Variants in SOX5 observed in about 807,000 individuals in gnomAD.
SOX5 encodes transcription factor SOX-5.
A neutral mutation model predicts 92.0 loss-of-function variants in SOX5; 9 were observed. That is an observed-to-expected ratio of 0.10 (90% CI 0.06 to 0.17). The LOEUF (loss-of-function observed/expected upper bound fraction) is 0.17, where lower values mean the gene tolerates loss of function less well. Ranked by LOEUF, SOX5 falls within the 10% of genes least tolerant of loss-of-function variation. The probability of loss-of-function intolerance (pLI) is 1.00; values close to 1 mark genes in which losing one functional copy is unlikely to be tolerated. For synonymous variants in SOX5, 344 were observed against 336.3 expected, an observed-to-expected ratio of 1.02 and a Z score of -0.25; for missense variants, 642 against 944.5, an observed-to-expected ratio of 0.68 and a Z score of 4.20.
At chr12:24,279,229 T>C (rs911717843) in intron 2 of SOX5, among the ~76,000 whole-genome samples, 1 of 152,140 alleles carries the variant, frequency 6.6e-6, no homozygotes, top group Non-Finnish European at 1.5e-5. Context: ...ATAATTGGAA[T>C]TTTAAAAACA....
In SOX5 at chr12:24,362,865, TG is replaced by T. The variant is rs1207103650; in HGVS notation, c.-174+5697del. Among the ~76,000 whole-genome samples the T allele has an allele frequency of 1.3e-3, 86 of 66,564 alleles. 1 individual carries two copies. In the East Asian group the frequency reaches 0.03, roughly 23 times the overall value. 43.7% of individuals were successfully genotyped at this position (66,564 alleles called of 152,430 possible). On this transcript the variant is annotated intron_variant, in intron 2 of 4. Coordinates refer to the SOX5 transcript ENST00000446891. Reference sequence around the variant, plus strand: ...ATCACAGTGGGCTAAGAAACCACAGTGAAAAAAAAAAAAAAAAAAGGAGGGC... The same window carrying T: ...ATCACAGTGGGCTAAGAAACCACAGTAAAAAAAAAAAAAAAAAAGGAGGGC...
chr12:23,621,691 T>C (rs1233750387), intron 8 of SOX5, among the ~76,000 whole-genome samples: 6 of 152,074 alleles, frequency 3.9e-5, no homozygotes, highest in Non-Finnish European at 8.8e-5. Flanking sequence ...TACACCCAGC[T>C]TTGGAAACAA....
chr12:23,715,373 T>C (rs2092413893), intron 6 of SOX5, among the ~76,000 whole-genome samples: 1 of 152,152 alleles, frequency 6.6e-6, no homozygotes, highest in Non-Finnish European at 1.5e-5. Flanking sequence ...TATACCTAAG[T>C]ATGAGTTTCA....
At chr12:23,542,733 A>G (rs1196943828) in intron 13 of SOX5, among the ~76,000 whole-genome samples, 1 of 152,202 alleles carries the variant, frequency 6.6e-6, no homozygotes, top group Admixed American at 6.5e-5. Context: ...CACTGGAACA[A>G]ACATCTTCCC....
At chr12:23,970,841 A>ATATATATATATTTTTTTTTTTTTTT in intron 4 of SOX5, among the ~76,000 whole-genome samples, 4 of 21,884 alleles carry the variant, frequency 1.8e-4, no homozygotes, top group Admixed American at 7.7e-4. Flanking sequence ...TATATATATA[A>ATATATATATATTTTTTTTTTTTTTT]TTTTTTTTTT....
chr12:23,680,954 T>C (rs1473580613), intron 6 of SOX5, among the ~76,000 whole-genome samples: 1 of 152,114 alleles, frequency 6.6e-6, no homozygotes, highest in Admixed American at 6.6e-5. Flanking sequence ...AAGAAATTTC[T>C]AAAGGATGTG....
At chr12:24,175,815 C>T (rs1376647664) in intron 4 of SOX5, among the ~76,000 whole-genome samples, 1 of 152,034 alleles carries the variant, frequency 6.6e-6, no homozygotes, top group Non-Finnish European at 1.5e-5. Flanking sequence ...ATCATTATCT[C>T]CTGACTGTAC....
chr12:24,003,709 T>C (rs1433825452), intron 4 of SOX5, among the ~76,000 whole-genome samples: 1 of 150,952 alleles, frequency 6.6e-6, no homozygotes, highest in East Asian at 1.9e-4. Context: ...TATGTTAAGA[T>C]GGAAATTATC....
upstream of SOX5, among the ~76,000 whole-genome samples, chr12:23,952,995 A>G (rs1945851473): frequency 6.6e-6 from 1 of 152,146 alleles, no homozygotes; most frequent in Non-Finnish European, 1.5e-5. Context: ...ACTTTAAGTG[A>G]CCTGAAAGGC....
chr12:24,270,869 A>G (rs1217961376), intron 3 of SOX5, among the ~76,000 whole-genome samples: 2 of 152,204 alleles, frequency 1.3e-5, no homozygotes, highest in African/African-American at 4.8e-5. Flanking sequence ...TCCATTTTCA[A>G]TACTTCACAT....
intron 2 of SOX5, among the ~76,000 whole-genome samples, chr12:24,299,168 G>A (rs1947665834): frequency 6.6e-6 from 1 of 152,050 alleles, no homozygotes; most frequent in Admixed American, 6.6e-5. Flanking sequence ...TTCTGGGTGG[G>A]TCTTTATCTT....
intron 2 of SOX5, among the ~76,000 whole-genome samples, chr12:24,309,779 C>T (rs1253974079): frequency 3.9e-5 from 6 of 152,058 alleles, no homozygotes; most frequent in Admixed American, 3.9e-4. Context: ...ACTGTAAAAA[C>T]CGTGATAGGA....
chr12:23,897,901 T>A (rs1008046967), intron 1 of SOX5, among the ~76,000 whole-genome samples: 3 of 152,140 alleles, frequency 2.0e-5, no homozygotes, highest in African/African-American at 7.2e-5. Context: ...ACATTTCAAG[T>A]AATTTTAACT....
chr12:23,981,201 G>T (rs1465325199), intron 4 of SOX5, among the ~76,000 whole-genome samples: 2 of 151,686 alleles, frequency 1.3e-5, no homozygotes, highest in East Asian at 3.9e-4. Context: ...TTAGAGGCCT[G>T]CCAAAATTCT....
intron 1 of SOX5, among the ~76,000 whole-genome samples, chr12:24,381,078 T>A (rs527832515): frequency 3.0e-4 from 46 of 152,298 alleles, no homozygotes; most frequent in African/African-American, 1.1e-3. Flanking sequence ...ACGGAGGGCA[T>A]GCATTACTAG....
intron 1 of SOX5, among the ~76,000 whole-genome samples, chr12:23,945,388 G>A (rs1313979690): frequency 1.3e-5 from 2 of 152,108 alleles, no homozygotes; most frequent in South Asian, 4.1e-4. Context: ...GCACATTTCT[G>A]TGTCTATCAA....
chr12:23,829,022 G>A (rs529498544), intron 3 of SOX5, among the ~76,000 whole-genome samples: 16 of 152,152 alleles, frequency 1.1e-4, no homozygotes, highest in African/African-American at 3.6e-4. Flanking sequence ...TCCTTGAGGT[G>A]TCAGAACTCT....
chr12:24,272,921 A>C (rs904926095), intron 3 of SOX5, among the ~76,000 whole-genome samples: 1 of 89,202 alleles, frequency 1.1e-5, no homozygotes, highest in Admixed American at 9.9e-5. Flanking sequence ...TATCTTTTGA[A>C]AAAAAAAAAA....
chr12:23,794,007 C>T (rs952289265), intron 3 of SOX5, among the ~76,000 whole-genome samples: 1 of 152,074 alleles, frequency 6.6e-6, no homozygotes, highest in African/African-American at 2.4e-5. Flanking sequence ...TACAGATAAA[C>T]CTACAAAGAT....
Sources: gnomAD v4.1 joint callset for allele counts (sites outside exome capture counted in the v4.1 genomes callset) on GRCh38, gnomAD v4.1.1 for gene constraint, MANE v1.5 for transcripts, NCBI Gene and HGNC (gene_info 2026-07-23, HGNC 2026-07-21) for gene names.